Variants in OSBPL9 observed in about 807,000 individuals in gnomAD.
OSBPL9 encodes oxysterol-binding protein-related protein 9.
OSBPL9 carries 40 observed loss-of-function variants against 106.6 expected under a neutral mutation model. The observed-to-expected ratio is 0.38, with a 90% CI of 0.29 to 0.49. The LOEUF is 0.49. Among genes scored for constraint, OSBPL9 ranks in the 20% least tolerant of loss-of-function variants. OSBPL9 has a pLI of 0.97. For missense variants in OSBPL9, 609 were observed against 887.2 expected (o/e 0.69, Z 3.98); for synonymous variants, 269 against 295.4 (o/e 0.91, Z 0.92).
intron 3 of OSBPL9, chr1:51,707,213 G>A (rs1235623423): frequency 8.4e-6 from 3 of 357,316 alleles, no homozygotes; most frequent in East Asian, 8.9e-5. Flanking sequence ...TGTCATACCA[G>A]GAATTGAGCC....
At chr1:51,628,058 A>ATTT (rs34103866) in intron 1 of OSBPL9, among the ~76,000 whole-genome samples, 2 of 143,586 alleles carry the variant, frequency 1.4e-5, no homozygotes, top group African/African-American at 5.1e-5. Context: ...CCTACTCTCA[A>ATTT]TTTTTTTTTT....
At chr1:51,573,708 GGAGGCT>G (rs1377221663), upstream of OSBPL9, among the ~76,000 whole-genome samples, 6 of 151,264 alleles carry the variant, frequency 4.0e-5, no homozygotes, top group Non-Finnish European at 8.8e-5. Context: ...CAACTCCTCA[GGAGGCT>G]GAGGCAGGAG....
chr1:51,640,714 C>T (rs1176569935), intron 1 of OSBPL9, among the ~76,000 whole-genome samples: 2 of 151,950 alleles, frequency 1.3e-5, no homozygotes, highest in Non-Finnish European at 2.9e-5. Flanking sequence ...ATTGAGCAGA[C>T]ATTTATCTAT....
chr1:51,658,195 A>T (rs1646932024), intron 2 of OSBPL9, among the ~76,000 whole-genome samples: 1 of 152,010 alleles, frequency 6.6e-6, no homozygotes, highest in Non-Finnish European at 1.5e-5. Flanking sequence ...ATTCTGCCAC[A>T]TTCTGGCGTT....
At chr1:51,568,398 G>A in the OSBPL9 span, among the ~76,000 whole-genome samples, 1 of 152,094 alleles carries the variant, frequency 6.6e-6, no homozygotes, top group Non-Finnish European at 1.5e-5. Flanking sequence ...TAGCATTGTT[G>A]GTATTCAAAC....
intron 3 of OSBPL9, among the ~76,000 whole-genome samples, chr1:51,688,322 T>A (rs1654262485): frequency 6.6e-6 from 1 of 152,154 alleles, no homozygotes; most frequent in African/African-American, 2.4e-5. Flanking sequence ...TAATATATAT[T>A]TTTTGGCATG....
At position 51,729,021 on chromosome 1, in the gene OSBPL9, T is replaced by G. The variant is rs1380617317; in HGVS notation, c.318+14942T>G. 6.6e-6 allele frequency among the ~76,000 whole-genome samples: 1 copy of G among 152,178 alleles called. No homozygotes were observed. Reference sequence around the variant, plus strand: ...TCCAGATCAATAAGTTAATCACTTATGTTTGTGATTCCCTGCATTTTGGGT... The same window carrying G: ...TCCAGATCAATAAGTTAATCACTTAGGTTTGTGATTCCCTGCATTTTGGGT... On this transcript the variant is annotated intron_variant, in intron 4 of 23. Coordinates refer to ENST00000428468, the MANE Select transcript of OSBPL9 (RefSeq NM_024586.6). The surrounding 1 kb of genome is among the most constrained non-coding windows in gnomAD (Gnocchi z 5.1).
chr1:51,651,009 C>A (rs1303277903), intron 1 of OSBPL9, among the ~76,000 whole-genome samples: 2 of 152,146 alleles, frequency 1.3e-5, no homozygotes, highest in Non-Finnish European at 2.9e-5. Context: ...ATTCCTACCC[C>A]CTAAGGTATG....
chr1:51,705,083 C>T (rs1443301352), intron 3 of OSBPL9, among the ~76,000 whole-genome samples: 1 of 151,954 alleles, frequency 6.6e-6, no homozygotes, highest in Non-Finnish European at 1.5e-5. Flanking sequence ...TTCTGATATT[C>T]CTTTTTTCTT....
chr1:51,700,045 G>A (rs1373944756), intron 3 of OSBPL9, among the ~76,000 whole-genome samples: 1 of 152,046 alleles, frequency 6.6e-6, no homozygotes, highest in African/African-American at 2.4e-5. Flanking sequence ...TATCTTTGTT[G>A]TATTTACTTA....
upstream of OSBPL9, among the ~76,000 whole-genome samples, chr1:51,612,825 A>T (rs1267584525): frequency 6.6e-6 from 1 of 152,272 alleles, no homozygotes; most frequent in African/African-American, 2.4e-5. Context: ...ACATTTATAC[A>T]TAAACAATGA....
chr1:51,636,589 C>A (rs1028808247), intron 1 of OSBPL9, among the ~76,000 whole-genome samples: 1 of 151,934 alleles, frequency 6.6e-6, no homozygotes, highest in Non-Finnish European at 1.5e-5. Context: ...CCTCCTGGCT[C>A]GGCCTCCCAA....
At chr1:51,650,960 T>C (rs918614485) in intron 1 of OSBPL9, among the ~76,000 whole-genome samples, 3 of 152,204 alleles carry the variant, frequency 2.0e-5, no homozygotes, top group African/African-American at 4.8e-5. Flanking sequence ...GAGCACCTGA[T>C]GTGTACCAGA....
intron 1 of OSBPL9, among the ~76,000 whole-genome samples, chr1:51,637,441 C>T (rs1310791609): frequency 6.6e-6 from 1 of 152,088 alleles, no homozygotes; most frequent in Non-Finnish European, 1.5e-5. Flanking sequence ...CCACTGCACT[C>T]CAGCCTGGGC....
intron 3 of OSBPL9, among the ~76,000 whole-genome samples, chr1:51,697,173 A>G (rs984544128): frequency 4.3e-5 from 6 of 138,796 alleles, no homozygotes; most frequent in Admixed American, 7.2e-5. Flanking sequence ...AAAAAAGAAA[A>G]AAAAAAGAAA....
chr1:51,769,314 C>T (rs976035370), intron 12 of OSBPL9, among the ~76,000 whole-genome samples: 1 of 152,176 alleles, frequency 6.6e-6, no homozygotes, highest in African/African-American at 2.4e-5. Flanking sequence ...CTAATGATAG[C>T]TTCTGTGTAA....
At chr1:51,688,793 A>G (rs1244803122) in intron 3 of OSBPL9, among the ~76,000 whole-genome samples, 2 of 152,142 alleles carry the variant, frequency 1.3e-5, no homozygotes, top group Non-Finnish European at 1.5e-5. Flanking sequence ...GTTTTATGAG[A>G]TGGAGTTAAA....
At position 51,786,295 on chromosome 1, in the gene OSBPL9, A is replaced by G. The variant is rs548638808; in HGVS notation, c.1909-231A>G. On this transcript the variant is annotated intron_variant, in intron 21 of 23. Transcript: ENST00000428468. ...TAAAATTTACTGACTGCCTGGCACCAGAGATACCAAAATGAGTTAAGATAG... is the reference window on the plus strand; with the variant it reads ...TAAAATTTACTGACTGCCTGGCACCGGAGATACCAAAATGAGTTAAGATAG... 2.5e-5 allele frequency: 12 copies of G among 477,220 alleles called. No individual in the cohort carries two copies. In the South Asian group the frequency reaches 3.4e-4, roughly 14 times the overall value. The allele number at this position is 477,220 out of a possible 1,614,324, so 29.6% of individuals were successfully genotyped here.
At chr1:51,762,099 T>G in intron 11 of OSBPL9, 128 bp downstream of exon 11, 2 of 641,482 alleles carry the variant, frequency 3.1e-6, no homozygotes, top group Non-Finnish European at 5.6e-6. Context: ...GATATGTTAG[T>G]TTTAACATTA....
Sources: allele counts gnomAD v4.1 joint callset (sites outside exome capture counted in the v4.1 genomes callset), GRCh38; gene constraint gnomAD v4.1.1; non-coding constraint Gnocchi (gnomAD v3.1); transcripts MANE v1.5; gene names NCBI Gene and HGNC (gene_info 2026-07-23, HGNC 2026-07-21).